Variants in MAGI2 observed in about 807,000 individuals in gnomAD.
The protein encoded by MAGI2 is membrane associated guanylate kinase, WW and PDZ domain containing 2.
A neutral mutation model predicts 133.3 loss-of-function variants in MAGI2; 35 were observed. The observed-to-expected ratio is 0.26, with a 90% CI of 0.20 to 0.35. The LOEUF (loss-of-function observed/expected upper bound fraction) is 0.35. Among genes scored for constraint, MAGI2 ranks in the 10% least tolerant of loss-of-function variants. MAGI2 has a pLI of 1.00. For missense variants in MAGI2, 1,636 were observed against 1,863.4 expected, an observed-to-expected ratio of 0.88 and a Z score of 2.25; for synonymous variants, 729 against 710.6, an observed-to-expected ratio of 1.03 and a Z score of -0.41.
intron 1 of MAGI2, among the ~76,000 whole-genome samples, chr7:79,211,208 T>C (rs146968061): frequency 2.0e-4 from 30 of 152,238 alleles, no homozygotes; most frequent in African/African-American, 7.2e-4. Flanking sequence ...TGTATATCTG[T>C]ATGTGTATCA....
intron 1 of MAGI2, among the ~76,000 whole-genome samples, chr7:79,321,502 G>C (rs913275178): frequency 1.4e-4 from 22 of 152,258 alleles, no homozygotes; most frequent in African/African-American, 5.3e-4. Context: ...TTGGAAAGTA[G>C]TGTCTACTGA....
At chr7:79,026,729 T>G (rs1044433616) in intron 1 of MAGI2, among the ~76,000 whole-genome samples, 3 of 151,436 alleles carry the variant, frequency 2.0e-5, no homozygotes, top group Non-Finnish European at 4.4e-5. Context: ...AAAAACTTAG[T>G]CCGGTGTGTT....
At chr7:78,655,454 C>CAA in intron 2 of MAGI2, among the ~76,000 whole-genome samples, 17,828 of 64,604 alleles carry the variant, frequency 0.28, 2,583 homozygotes, top group Non-Finnish European at 0.29. Flanking sequence ...AAAAAACAAC[C>CAA]AAAAAAAAAA....
rs748319312 is a variant in MAGI2 at position 79,028,336 on chromosome 7, TAC to T, written c.302-21132_302-21131del. On this transcript the variant is annotated intron_variant, in intron 1 of 21. Transcript: ENST00000354212. Reference sequence around the variant, plus strand: ...ATACACACATATATATACATATATATACACACACACACACACACATACACACA... The same window carrying T: ...ATACACACATATATATACATATATATACACACACACACACACATACACACA... Among the ~76,000 whole-genome samples the T allele has an allele frequency of 6.5e-3, 811 of 124,436 alleles. 13 individuals carry two copies. Among genetic ancestry groups the T allele is most frequent in the African/African-American group, 0.023 (709 of 31,288 alleles). The allele number at this position is 124,436 out of a possible 152,430, so 81.6% of individuals were successfully genotyped here.
intron 1 of MAGI2, among the ~76,000 whole-genome samples, chr7:79,138,184 C>T (rs969581366): frequency 6.6e-6 from 1 of 152,140 alleles, no homozygotes; most frequent in Admixed American, 6.5e-5. Flanking sequence ...CGTAAATTTG[C>T]ATCATTTTAA....
intron 2 of MAGI2, among the ~76,000 whole-genome samples, chr7:78,656,158 G>C (rs1812253677): frequency 1.3e-5 from 2 of 152,098 alleles, no homozygotes; most frequent in African/African-American, 2.4e-5. Flanking sequence ...GTACCTGACA[G>C]ACTTGGGATT....
At chr7:79,144,920 C>T (rs909782566) in intron 1 of MAGI2, among the ~76,000 whole-genome samples, 2 of 152,128 alleles carry the variant, frequency 1.3e-5, no homozygotes, top group African/African-American at 4.8e-5. Flanking sequence ...TTATCTTAGT[C>T]AGGAAATGTG....
intron 1 of MAGI2, among the ~76,000 whole-genome samples, chr7:79,220,026 C>T (rs778762893): frequency 2.0e-5 from 3 of 151,844 alleles, no homozygotes; most frequent in Non-Finnish European, 2.9e-5. Flanking sequence ...GTTTGTATTA[C>T]CAAAATGTCT....
At chr7:78,207,270 C>T (rs909004223) in intron 10 of MAGI2, among the ~76,000 whole-genome samples, 5 of 152,032 alleles carry the variant, frequency 3.3e-5, no homozygotes, top group African/African-American at 1.2e-4. Flanking sequence ...AAACTGAATT[C>T]ACATTCTCAC....
chr7:79,002,283 G>A (rs954972090), intron 2 of MAGI2, among the ~76,000 whole-genome samples: 6 of 150,976 alleles, frequency 4.0e-5, no homozygotes, highest in African/African-American at 7.3e-5. Context: ...CACCATGCCC[G>A]GCCAATTTTT....
At chr7:78,650,623 G>A (rs1213201055) in intron 2 of MAGI2, among the ~76,000 whole-genome samples, 1 of 151,394 alleles carries the variant, frequency 6.6e-6, no homozygotes, top group Non-Finnish European at 1.5e-5. Flanking sequence ...GAAGAAGTTG[G>A]TTTTGTTAGG....
At chr7:79,193,832 C>T (rs952305962) in intron 1 of MAGI2, among the ~76,000 whole-genome samples, 2 of 151,812 alleles carry the variant, frequency 1.3e-5, no homozygotes, top group Admixed American at 6.6e-5. Flanking sequence ...CATTCTTGGG[C>T]GTTGCAAACC....
chr7:79,150,810 G>A (rs1410781060), intron 1 of MAGI2, among the ~76,000 whole-genome samples: 2 of 151,630 alleles, frequency 1.3e-5, no homozygotes, highest in Non-Finnish European at 2.9e-5. Context: ...AGAACCTATA[G>A]TAACTAAACC....
At chr7:78,091,636 T>C (rs949479449) in intron 20 of MAGI2, among the ~76,000 whole-genome samples, 4 of 152,192 alleles carry the variant, frequency 2.6e-5, no homozygotes, top group African/African-American at 9.7e-5. Flanking sequence ...AAAGATCTCA[T>C]AGCTTATAAG....
chr7:78,638,213 T>G (rs1228303347), intron 2 of MAGI2, among the ~76,000 whole-genome samples: 1 of 152,186 alleles, frequency 6.6e-6, no homozygotes, highest in African/African-American at 2.4e-5. Context: ...ATTTTCAATT[T>G]TAAGGCTTCT....
intron 6 of MAGI2, among the ~76,000 whole-genome samples, chr7:78,424,295 G>C (rs189978129): frequency 8.0e-4 from 122 of 152,312 alleles, no homozygotes; most frequent in African/African-American, 2.6e-3. Flanking sequence ...GCCTGCAGGT[G>C]CACAGAAGTC....
At chr7:78,805,477 A>C (rs1297340006) in intron 2 of MAGI2, among the ~76,000 whole-genome samples, 1 of 152,160 alleles carries the variant, frequency 6.6e-6, no homozygotes, top group Admixed American at 6.5e-5. Flanking sequence ...GAAATACAGT[A>C]GAAGAGGCAG....
chr7:78,842,969 A>G, intron 2 of MAGI2, among the ~76,000 whole-genome samples: 1 of 151,958 alleles, frequency 6.6e-6, no homozygotes, highest in East Asian at 1.9e-4. Flanking sequence ...AGTCCAAAAA[A>G]AGCTTTAAAT....
intron 1 of MAGI2, among the ~76,000 whole-genome samples, chr7:79,398,214 T>G (rs976444311): frequency 6.6e-6 from 1 of 152,228 alleles, no homozygotes; most frequent in South Asian, 2.1e-4. Flanking sequence ...CAGCAACATG[T>G]GATCTCAATG....
Sources: allele counts gnomAD v4.1 joint callset (sites outside exome capture counted in the v4.1 genomes callset), GRCh38; gene constraint gnomAD v4.1.1; transcripts MANE v1.5; gene names NCBI Gene and HGNC (gene_info 2026-07-23, HGNC 2026-07-21).